Variants in TET1 observed in about 807,000 individuals in gnomAD.
TET1 encodes the protein tet methylcytosine dioxygenase 1, also known as methylcytosine dioxygenase TET1.
TET1 carries 13 observed loss-of-function variants against 148.7 expected under a neutral mutation model. The ratio of observed to expected loss-of-function variants is 0.09; its 90% confidence interval spans 0.06 to 0.14. The LOEUF (loss-of-function observed/expected upper bound fraction) is 0.14. Among genes scored for constraint, TET1 ranks in the 10% least tolerant of loss-of-function variants. The probability of loss-of-function intolerance (pLI) is 1.00; values close to 1 mark genes in which losing one functional copy is unlikely to be tolerated. For synonymous variants in TET1, 907 were observed against 937.2 expected (o/e 0.97, Z 0.59); for missense variants, 2,182 against 2,553.8 (o/e 0.85, Z 3.14).
chr10:68,580,963 GTC>G (rs2053790907), intron 2 of TET1, among the ~76,000 whole-genome samples: 1 of 151,884 alleles, frequency 6.6e-6, no homozygotes, highest in Non-Finnish European at 1.5e-5. Context: ...GTGAGACTGT[GTC>G]TCAGAAAATA....
chr10:68,682,695 C>T (rs1442108809), intron 9 of TET1, 141 bp from the exon 10 acceptor site: 1 of 959,944 alleles, frequency 1.0e-6, no homozygotes, highest in Non-Finnish European at 1.5e-6. Context: ...GCTACACCTT[C>T]ATGACAATAA....
chr10:68,641,644 G>A (rs796842193), intron 3 of TET1, among the ~76,000 whole-genome samples: 9 of 143,326 alleles, frequency 6.3e-5, no homozygotes, highest in African/African-American at 2.1e-4. Context: ...GACTACAGGC[G>A]TACGCCACCC....
intron 7 of TET1, among the ~76,000 whole-genome samples, chr10:68,670,486 C>A (rs182647342): frequency 3.9e-5 from 6 of 152,268 alleles, no homozygotes; most frequent in Admixed American, 2.6e-4. Context: ...GAAATATAAC[C>A]TGGACTATTA....
At chr10:68,564,598 A>G (rs2053587369) in intron 1 of TET1, among the ~76,000 whole-genome samples, 1 of 152,162 alleles carries the variant, frequency 6.6e-6, no homozygotes, top group Admixed American at 6.5e-5. Flanking sequence ...TTAATTGCAC[A>G]TGATTCCCTT....
At chr10:68,637,518 CTTTTTTTTTT>C (rs34260111) in intron 3 of TET1, among the ~76,000 whole-genome samples, 1 of 106,374 alleles carries the variant, frequency 9.4e-6, no homozygotes, top group Admixed American at 1.2e-4. Flanking sequence ...GTTTCCTATT[CTTTTTTTTTT>C]TTTTTTTTTT....
intron 1 of TET1, among the ~76,000 whole-genome samples, chr10:68,562,803 C>A (rs956697071): frequency 2.0e-4 from 31 of 151,976 alleles, no homozygotes; most frequent in African/African-American, 7.3e-4. Flanking sequence ...ACCTTCTGAG[C>A]GTCCGTATCT....
chr10:68,633,304 T>C (rs1388318341), intron 3 of TET1, among the ~76,000 whole-genome samples: 1 of 152,214 alleles, frequency 6.6e-6, no homozygotes, highest in Non-Finnish European at 1.5e-5. Context: ...CTTGTCTGAT[T>C]AATCTATATT....
Position 68,652,523 on chromosome 10 carries a change from A to G in TET1, c.4390A>G (p.Ile1464Val), listed in dbSNP as rs1215312388. 2 of 1,611,980 alleles carry G rather than the reference A, an allele frequency of 1.2e-6. No homozygotes were observed. Among genetic ancestry groups the G allele is most frequent in the East Asian group, 2.2e-5 (1 of 44,800 alleles). The part of the protein sequence containing the change: ...ENRYGQKGNA[I>V]RIEIVVYTGK... ...CAGGTATGGTCAAAAAGGAAACGCAATAAGGATAGAAATAGTAGTGTACAC... is the reference window on the plus strand; with the variant it reads ...CAGGTATGGTCAAAAAGGAAACGCAGTAAGGATAGAAATAGTAGTGTACAC... The change falls in exon 6 of 12, where the codon ATA (isoleucine) becomes GTA (valine). Residue 1464 changes from isoleucine (I) to valine (V), a missense_variant. Physicochemically the swap from Ile to Val is conservative, Grantham distance 29. Transcript: ENST00000373644.
At chr10:68,604,719 AG>A (rs1418631271) in intron 3 of TET1, among the ~76,000 whole-genome samples, 1 of 152,212 alleles carries the variant, frequency 6.6e-6, no homozygotes, top group Non-Finnish European at 1.5e-5. Context: ...TAGGCCTGGA[AG>A]GGAAAACAAC....
rs184155597 is a variant in TET1, at chr10:68,671,614, A to G, written c.4674-1281A>G. On this transcript the variant is annotated intron_variant, in intron 7 of 11. Transcript: ENST00000373644. ...AGTTTTATAACTACAAGAAGAATAT[A>G]TGGTACTTTCGTTGTCATTCTTAGC... 1.5e-3 allele frequency among the ~76,000 whole-genome samples: 221 copies of G among 152,272 alleles called. No individual in the cohort carries two copies. The South Asian group carries it at 0.021, about 14-fold the overall frequency.
chr10:68,567,676 T>TG (rs1338907240), intron 1 of TET1, among the ~76,000 whole-genome samples: 1 of 151,404 alleles, frequency 6.6e-6, no homozygotes, highest in Non-Finnish European at 1.5e-5. Flanking sequence ...GGTCAGGAAT[T>TG]GGAGACCAGC....
intron 8 of TET1, among the ~76,000 whole-genome samples, chr10:68,679,962 C>T (rs2055414518): frequency 6.6e-6 from 1 of 152,196 alleles, no homozygotes. Context: ...GCATGAGCCA[C>T]TGTGCCCAGC....
chr10:68,564,560 AC>A (rs1389791776), intron 1 of TET1, among the ~76,000 whole-genome samples: 1 of 152,144 alleles, frequency 6.6e-6, no homozygotes, highest in Non-Finnish European at 1.5e-5. Context: ...CCCTTCCATG[AC>A]AGTAAGAACT....
chr10:68,567,599 TA>T (rs1167516476), intron 1 of TET1, among the ~76,000 whole-genome samples: 1 of 151,836 alleles, frequency 6.6e-6, no homozygotes, highest in Admixed American at 6.6e-5. Flanking sequence ...TGGCCAGGTT[TA>T]TTTTTTTTTA....
In TET1 at chr10:68,686,606, A is replaced by C; in HGVS notation, c.5303A>C (p.His1768Pro). The C allele has an allele frequency of 6.2e-7, 1 of 1,614,202 alleles. No individual in the cohort carries two copies. Among genetic ancestry groups the C allele is most frequent in the East Asian group, 2.2e-5 (1 of 44,870 alleles). ...GCGATGATGACAGAGGTTCTTGCACATAAGATAAGGGCAGTGGAAAAGAAA... is the reference window on the plus strand; with the variant it reads ...GCGATGATGACAGAGGTTCTTGCACCTAAGATAAGGGCAGTGGAAAAGAAA... ...RAAMMTEVLA[H>P]KIRAVEKKPI... Residue 1768 changes from histidine (H) to proline (P), a missense_variant, in exon 11 of 12, where the codon CAT becomes CCT. His to Pro is a moderately conservative substitution (Grantham distance 77, BLOSUM62 -2). Coordinates refer to ENST00000373644, the MANE Select transcript of TET1 (RefSeq NM_030625.3).
intron 1 of TET1, among the ~76,000 whole-genome samples, chr10:68,567,431 A>T (rs1392283132): frequency 6.6e-6 from 1 of 151,938 alleles, no homozygotes; most frequent in African/African-American, 2.4e-5. Context: ...AGTAGCTGGG[A>T]TTACAGGCAT....
intron 1 of TET1, among the ~76,000 whole-genome samples, chr10:68,570,638 T>A (rs949910441): frequency 6.6e-5 from 9 of 136,408 alleles, no homozygotes; most frequent in South Asian, 2.6e-4. Context: ...TTATTTTTAA[T>A]TTTTTTTTTG....
chr10:68,638,271 C>T (rs955400301), intron 3 of TET1, among the ~76,000 whole-genome samples: 1 of 152,082 alleles, frequency 6.6e-6, no homozygotes, highest in African/African-American at 2.4e-5. Context: ...TCCAAAAACA[C>T]TCAGTTTTCA....
chr10:68,688,402 TG>T (rs931274524), intron 11 of TET1, among the ~76,000 whole-genome samples: 9 of 150,776 alleles, frequency 6.0e-5, no homozygotes, highest in Non-Finnish European at 1.2e-4. Context: ...TCAGTTCTTT[TG>T]TCACAACCTC....
Sources: allele counts gnomAD v4.1 joint callset (sites outside exome capture counted in the v4.1 genomes callset), GRCh38; gene constraint gnomAD v4.1.1; transcripts MANE v1.5; gene names NCBI Gene and HGNC (gene_info 2026-07-23, HGNC 2026-07-21).